Variants in PNPLA7 observed in about 807,000 individuals in gnomAD.
PNPLA7 encodes patatin like domain 7, lysophospholipase, also known as patatin-like phospholipase domain-containing protein 7.
In PNPLA7, 153 loss-of-function variants were observed where a neutral mutation model predicts 161.7. That is an observed-to-expected ratio of 0.95 (90% CI 0.83 to 1.08). PNPLA7 has a LOEUF of 1.08. PNPLA7 is among the 50% of genes least tolerant of loss of function. PNPLA7 has a pLI of 0.00. For missense variants in PNPLA7, 1,739 were observed against 1,856.6 expected, an observed-to-expected ratio of 0.94 and a Z score of 1.16; for synonymous variants, 809 against 782.1, an observed-to-expected ratio of 1.03 and a Z score of -0.57.
In PNPLA7 at chr9:137,531,479, G is replaced by A. The variant is rs187073842; in HGVS notation, c.748-8622C>T. ...GATGCTGGGAAGCCCAGGTGGACAC[G>A]CAGCTCCTCTGGCAGGCAGGGGTCC... On this transcript the variant is annotated intron_variant, in intron 8 of 34. Coordinates refer to ENST00000406427, the MANE Select transcript of PNPLA7 (RefSeq NM_001098537.3). 3.5e-4 allele frequency among the ~76,000 whole-genome samples: 53 copies of A among 152,308 alleles called. No homozygotes were observed. The East Asian group carries it at 8.5e-3, about 24-fold the overall frequency.
rs1321918639 is a variant in PNPLA7 at position 137,520,822 on chromosome 9, C to A, written c.958-779G>T. ...AATGCGCTGTACCCTCCAAACGCGT[C>A]ACAGTTCAGGGTCAGCTCCGCCCCA... On this transcript the variant is annotated intron_variant, in intron 10 of 34. Transcript: ENST00000406427. The surrounding 1 kb of genome is among the most constrained non-coding windows in gnomAD (Gnocchi z 5.2). Among the ~76,000 whole-genome samples, 1 of 152,232 alleles carries A rather than the reference C, an allele frequency of 6.6e-6. No individual in the cohort carries two copies. The highest frequency in any genetic ancestry group is 2.4e-5 in the African/African-American group (1 of 41,470).
intron 15 of PNPLA7, 22 bp downstream of exon 15, chr9:137,501,628 C>T (rs1347553416): frequency 1.1e-5 from 17 of 1,606,924 alleles, no homozygotes; most frequent in Non-Finnish European, 1.3e-5. Context: ...GTCCCAGTGC[C>T]CCCCCCCAGA....
In PNPLA7 at chr9:137,484,529, C is replaced by T. The variant is rs370244594; in HGVS notation, c.2347+58G>A. The T allele has an allele frequency of 4.9e-5, 73 of 1,496,044 alleles. 1 individual carries two copies. The Middle Eastern group carries it at 5.9e-3, about 121-fold the overall frequency. The allele number at this position is 1,496,044 out of a possible 1,614,324, so 92.7% of individuals were successfully genotyped here. A position where few individuals can be genotyped will look rare whatever the true frequency, so the allele number is the denominator to read the frequency against. ...TCGAAGACAGAGGGCAGCCGGCAGG[C>T]GCCCTCCACCAGGCCCAGAACCCAA... On this transcript the variant is annotated intron_variant, in intron 21 of 34. Transcript: ENST00000406427.
In PNPLA7 at chr9:137,540,698, CT is replaced by C; in HGVS notation, c.690del (p.Glu231ArgfsTer58). The C allele has an allele frequency of 6.2e-7, 1 of 1,611,916 alleles. No individual in the cohort carries two copies. The highest frequency in any genetic ancestry group is 2.2e-5 in the East Asian group (1 of 44,856). ...QDTDGTEVVV[K>X]EVLAGDSVHS... The stretch of plus-strand genomic sequence containing the variant: ...TGGACGCTGTCTCCCGCCAGAACCT[CT>C]TTCACCACCACCTCGGTGCCGTCCT... On this transcript the variant is annotated frameshift_variant, in exon 8 of 35. Coordinates refer to ENST00000406427, the MANE Select transcript of PNPLA7 (RefSeq NM_001098537.3). LOFTEE classifies it high-confidence loss of function. This position sits in a 1 kb window ranked among gnomAD's most constrained non-coding sequence, Gnocchi z 5.1.
chr9:137,506,898 C>G (rs1159669527), intron 12 of PNPLA7, among the ~76,000 whole-genome samples: 1 of 152,248 alleles, frequency 6.6e-6, no homozygotes, highest in Non-Finnish European at 1.5e-5. Context: ...GGTTTCCCAT[C>G]CATACTGGAA....
chr9:137,479,637 CT>C (rs767014578), intron 23 of PNPLA7: 12 of 985,414 alleles, frequency 1.2e-5, no homozygotes, highest in Non-Finnish European at 1.4e-5. Flanking sequence ...CCCAGGCAGG[CT>C]TGTGATGAGA....
At chr9:137,517,945 C>A (rs1035365310) in intron 11 of PNPLA7, among the ~76,000 whole-genome samples, 6 of 104,638 alleles carry the variant, frequency 5.7e-5, no homozygotes, top group Non-Finnish European at 5.9e-5. Context: ...CCACTCCATC[C>A]CCACTCACTC....
chr9:137,526,694 C>T (rs574043091), intron 8 of PNPLA7, among the ~76,000 whole-genome samples: 94 of 152,244 alleles, frequency 6.2e-4, no homozygotes, highest in African/African-American at 2.2e-3. Flanking sequence ...CTGGGAACTC[C>T]CAAGTTTGCA....
rs565918186 is a variant in PNPLA7 at position 137,524,087 on chromosome 9, CT to C, written c.748-1231del. On this transcript the variant is annotated intron_variant, in intron 8 of 34. Coordinates refer to ENST00000406427, the MANE Select transcript of PNPLA7 (RefSeq NM_001098537.3). The surrounding 1 kb of genome is among the most constrained non-coding windows in gnomAD (Gnocchi z 4.4). ...AGAACAATCCCAACCTCCAATGCCC[CT>C]GGCAGCCTTTTCGCAACCTCCTTTC... Among the ~76,000 whole-genome samples the C allele has an allele frequency of 3.1e-4, 47 of 152,388 alleles. No individual in the cohort carries two copies. The East Asian group carries it at 8.1e-3, about 26-fold the overall frequency.
intron 8 of PNPLA7, among the ~76,000 whole-genome samples, chr9:137,534,758 C>T (rs940696852): frequency 6.6e-6 from 1 of 152,210 alleles, no homozygotes; most frequent in Non-Finnish European, 1.5e-5. Flanking sequence ...GTAACTCCCA[C>T]CGAAATCAAT....
At chr9:137,480,680 A>G (rs1269866728) in intron 22 of PNPLA7, 200 bp from the exon 23 acceptor site, 3 of 744,402 alleles carry the variant, frequency 4.0e-6, no homozygotes, top group African/African-American at 1.8e-5. Flanking sequence ...TTAAGCCCAG[A>G]GGCTGAGGCT....
chr9:137,523,657 C>G lies in PNPLA7; in HGVS notation c.748-800G>C, dbSNP rs927201306. Among the ~76,000 whole-genome samples, 1 of 150,020 alleles carries G rather than the reference C, an allele frequency of 6.7e-6. No individual in the cohort carries two copies. The highest frequency in any genetic ancestry group is 1.5e-5 in the Non-Finnish European group (1 of 67,600). On this transcript the variant is annotated intron_variant, in intron 8 of 34. Transcript: ENST00000406427. This position sits in a 1 kb window ranked among gnomAD's most constrained non-coding sequence, Gnocchi z 4.4. Reference sequence around the variant, plus strand: ...TTTTTTTTTTTTTGAGACAGAGTCTCGTTCTGTCGTCCAGGCTGGAGTGCA... The same window carrying G: ...TTTTTTTTTTTTTGAGACAGAGTCTGGTTCTGTCGTCCAGGCTGGAGTGCA...
At chr9:137,518,374 T>C (rs1834759415) in intron 11 of PNPLA7, among the ~76,000 whole-genome samples, 1 of 76,800 alleles carries the variant, frequency 1.3e-5, no homozygotes, top group Non-Finnish European at 2.5e-5. Context: ...CTCATTCCAC[T>C]CTGTCCACTC....
chr9:137,501,829 G>T, intron 14 of PNPLA7, 102 bp from the exon 15 acceptor site: 1 of 1,220,720 alleles, frequency 8.2e-7, no homozygotes, highest in Admixed American at 2.1e-5. Flanking sequence ...GAGCGGTGAG[G>T]CCAGAGGCCG....
intron 8 of PNPLA7, among the ~76,000 whole-genome samples, chr9:137,531,057 T>C (rs1835557469): frequency 6.6e-6 from 1 of 152,184 alleles, no homozygotes; most frequent in African/African-American, 2.4e-5. Flanking sequence ...GGAATTTTGT[T>C]CCGTTCCTTT....
At chr9:137,504,721 A>G (rs1347604652) in intron 14 of PNPLA7, among the ~76,000 whole-genome samples, 1 of 142,260 alleles carries the variant, frequency 7.0e-6, no homozygotes, top group Non-Finnish European at 1.5e-5. Context: ...CTTAACCGTT[A>G]GAGAGGAATG....
intron 8 of PNPLA7, among the ~76,000 whole-genome samples, chr9:137,529,182 A>C (rs1835450879): frequency 1.3e-5 from 2 of 151,936 alleles, no homozygotes; most frequent in Non-Finnish European, 2.9e-5. Flanking sequence ...TTTTTTGTAG[A>C]GATGGGGTTG....
intron 14 of PNPLA7, 149 bp downstream of exon 14, chr9:137,505,465 C>G: frequency 1.1e-6 from 1 of 914,922 alleles, no homozygotes. Flanking sequence ...CAAAGGGGAC[C>G]CCAAAAGACA....
intron 14 of PNPLA7, among the ~76,000 whole-genome samples, chr9:137,503,806 A>AAAT (rs1400780060): frequency 4.9e-3 from 4 of 816 alleles, no homozygotes; most frequent in Non-Finnish European, 0.027. Flanking sequence ...AAGAAGGAAG[A>AAAT]AGGAAGAAGA....
Sources: allele counts gnomAD v4.1 joint callset (sites outside exome capture counted in the v4.1 genomes callset), GRCh38; gene constraint gnomAD v4.1.1; non-coding constraint Gnocchi (gnomAD v3.1); transcripts MANE v1.5; gene names NCBI Gene and HGNC (gene_info 2026-07-23, HGNC 2026-07-21).